The following CCDC171 variants were observed in gnomAD, a reference collection of about 807,000 sequenced individuals.
CCDC171 encodes coiled-coil domain containing 171.
CCDC171 carries 177 observed loss-of-function variants against 168.2 expected under a neutral mutation model. That is an observed-to-expected ratio of 1.05 (90% CI 0.93 to 1.19). The LOEUF is 1.19. Among genes scored for constraint, CCDC171 ranks in the 50% most tolerant of loss-of-function variants. CCDC171 has a pLI of 0.00. For synonymous variants in CCDC171, 687 were observed against 540.8 expected, an observed-to-expected ratio of 1.27 and a Z score of -3.75; for missense variants, 1,991 against 1,539.0, an observed-to-expected ratio of 1.29 and a Z score of -4.91.
intron 7 of CCDC171, among the ~76,000 whole-genome samples, chr9:15,645,558 T>G (rs2046972020): frequency 6.6e-6 from 1 of 152,186 alleles, no homozygotes; most frequent in African/African-American, 2.4e-5. Flanking sequence ...TTAAATAACC[T>G]GACTGAGCTG....
chr9:15,732,725 A>G (rs898806735), intron 16 of CCDC171, among the ~76,000 whole-genome samples: 6 of 152,166 alleles, frequency 3.9e-5, no homozygotes, highest in African/African-American at 1.4e-4. Flanking sequence ...AGTTTTGGCA[A>G]TTATGAGTAG....
At chr9:15,993,389 A>G (rs1300621364) in intron 3 of CCDC171, among the ~76,000 whole-genome samples, 2 of 152,220 alleles carry the variant, frequency 1.3e-5, no homozygotes, top group Non-Finnish European at 2.9e-5. Context: ...CTGGATAGCC[A>G]TATGTAGAAA....
At chr9:15,905,396 A>T (rs11521292) in intron 24 of CCDC171, among the ~76,000 whole-genome samples, 44,699 of 152,020 alleles carry the variant, frequency 0.29, 6,688 homozygotes, top group Admixed American at 0.34. Context: ...CTACATGGAA[A>T]CTGAACAACC....
intron 24 of CCDC171, among the ~76,000 whole-genome samples, chr9:15,893,145 T>A (rs190625175): frequency 6.6e-6 from 1 of 152,184 alleles, no homozygotes; most frequent in African/African-American, 2.4e-5. Flanking sequence ...ACCTGCAACA[T>A]CTGACCTTTG....
intron 11 of CCDC171, among the ~76,000 whole-genome samples, chr9:15,714,488 C>A (rs2052924571): frequency 6.6e-6 from 1 of 152,186 alleles, no homozygotes; most frequent in South Asian, 2.1e-4. Context: ...TCTGTAAGCT[C>A]CTACCCTGAC....
chr9:15,750,332 C>G (rs961885986), intron 18 of CCDC171, among the ~76,000 whole-genome samples: 1 of 151,964 alleles, frequency 6.6e-6, no homozygotes, highest in East Asian at 1.9e-4. Context: ...AATTAATAGC[C>G]TACTCACCAA....
At chr9:15,824,471 T>C (rs9406540) in intron 21 of CCDC171, among the ~76,000 whole-genome samples, 67,180 of 151,788 alleles carry the variant, frequency 0.44, 15,071 homozygotes, top group African/African-American at 0.47. Context: ...GTGCTTTGCT[T>C]TTAGGTCCCT....
chr9:15,907,034 A>G (rs1174979684), intron 24 of CCDC171, among the ~76,000 whole-genome samples: 1 of 152,212 alleles, frequency 6.6e-6, no homozygotes, highest in Non-Finnish European at 1.5e-5. Context: ...AGAACATTCC[A>G]TGCTCATGGG....
chr9:15,833,667 A>G (rs2060327882), intron 21 of CCDC171, among the ~76,000 whole-genome samples: 2 of 152,194 alleles, frequency 1.3e-5, no homozygotes, highest in Non-Finnish European at 2.9e-5. Flanking sequence ...TAAACCTCCA[A>G]TGTGGAGGCT....
At chr9:15,948,745 G>A (rs1828729484) in intron 25 of CCDC171, among the ~76,000 whole-genome samples, 1 of 151,162 alleles carries the variant, frequency 6.6e-6, no homozygotes, top group Admixed American at 6.6e-5. Context: ...TGAGTAGGTT[G>A]CGAAGATTTT....
intron 21 of CCDC171, among the ~76,000 whole-genome samples, chr9:15,824,435 T>A (rs148929146): frequency 2.1e-4 from 32 of 152,176 alleles, no homozygotes; most frequent in African/African-American, 7.7e-4. Flanking sequence ...GTGGTTTTTG[T>A]CATTTGCGTG....
At chr9:15,913,329 G>A (rs1430970867) in intron 24 of CCDC171, among the ~76,000 whole-genome samples, 1 of 152,196 alleles carries the variant, frequency 6.6e-6, no homozygotes, top group Non-Finnish European at 1.5e-5. Flanking sequence ...GGTATTTATA[G>A]TATTCTCTGA....
rs1831413696 is a variant in CCDC171 at position 15,972,052 on chromosome 9, C to T, written c.*216C>T. The T allele has an allele frequency of 1.4e-5, 7 of 503,232 alleles. No homozygotes were observed. In the East Asian group the frequency reaches 2.2e-4, roughly 16 times the overall value. 31.2% of individuals were successfully genotyped at this position (503,232 alleles called of 1,614,324 possible). A position where few individuals can be genotyped will look rare whatever the true frequency, so the allele number is the denominator to read the frequency against. Reference sequence around the variant, plus strand: ...AGTTTTATTTGTTATCACAGTTGCTCATTTTTATGTAACATATTTTTAAAT... The same window carrying T: ...AGTTTTATTTGTTATCACAGTTGCTTATTTTTATGTAACATATTTTTAAAT... On this transcript the variant is annotated 3_prime_UTR_variant, in exon 26 of 26. Coordinates refer to ENST00000380701, the MANE Select transcript of CCDC171 (RefSeq NM_173550.4).
chr9:16,018,894 C>G (rs1833095992), intron 3 of CCDC171, among the ~76,000 whole-genome samples: 1 of 152,204 alleles, frequency 6.6e-6, no homozygotes, highest in African/African-American at 2.4e-5. Flanking sequence ...CACCAACATC[C>G]TTCTCCAAGG....
chr9:15,866,767 G>T (rs1412167529), intron 23 of CCDC171, among the ~76,000 whole-genome samples: 3 of 152,114 alleles, frequency 2.0e-5, no homozygotes, highest in Admixed American at 2.0e-4. Flanking sequence ...GCTAGAAAAT[G>T]CATTTCAAGA....
chr9:15,738,645 T>C (rs1171377294), intron 16 of CCDC171, among the ~76,000 whole-genome samples: 1 of 152,038 alleles, frequency 6.6e-6, no homozygotes, highest in Non-Finnish European at 1.5e-5. Context: ...GCAAATTTGC[T>C]CTATAGCTGT....
intron 25 of CCDC171, among the ~76,000 whole-genome samples, chr9:15,958,629 G>A (rs998469227): frequency 7.3e-5 from 11 of 151,596 alleles, no homozygotes; most frequent in African/African-American, 9.7e-5. Flanking sequence ...TTGACTAACA[G>A]TAGGAGTTAA....
At chr9:15,606,349 C>G (rs1196733650) in intron 6 of CCDC171, among the ~76,000 whole-genome samples, 2 of 152,116 alleles carry the variant, frequency 1.3e-5, no homozygotes, top group Non-Finnish European at 2.9e-5. Context: ...ACAAATGATT[C>G]TTCGTGTAAA....
intron 24 of CCDC171, among the ~76,000 whole-genome samples, chr9:15,914,115 TG>T (rs1192245971): frequency 6.6e-6 from 1 of 152,312 alleles, no homozygotes; most frequent in East Asian, 1.9e-4. Context: ...TCAGGATGCA[TG>T]GGGGTCAGGG....
Sources: gnomAD v4.1 joint callset for allele counts (sites outside exome capture counted in the v4.1 genomes callset) on GRCh38, gnomAD v4.1.1 for gene constraint, MANE v1.5 for transcripts, NCBI Gene and HGNC (gene_info 2026-07-23, HGNC 2026-07-21) for gene names.